Variants in AKT2 observed in about 807,000 individuals in gnomAD.
AKT2 encodes AKT serine/threonine kinase 2, also known as RAC-beta serine/threonine-protein kinase.
A neutral mutation model predicts 58.6 loss-of-function variants in AKT2; 16 were observed. The observed-to-expected ratio is 0.27, with a 90% CI of 0.18 to 0.41. AKT2 has a LOEUF of 0.41. AKT2 is among the 10% of genes least tolerant of loss of function. The pLI is 1.00. For synonymous variants in AKT2, 253 were observed against 254.0 expected, an observed-to-expected ratio of 1.00 and a Z score of 0.04; for missense variants, 438 against 661.0, an observed-to-expected ratio of 0.66 and a Z score of 3.70.
At chr19:40,273,408 GTA>G (rs1182013977) in intron 1 of AKT2, 1 of 149,082 alleles carries the variant, frequency 6.7e-6, no homozygotes, top group Non-Finnish European at 1.5e-5. Flanking sequence ...TTTCTATACT[GTA>G]TGTTTCTGAA....
rs931720546 is a variant in AKT2, at chr19:40,237,626, C to T, written c.831+343G>A. On this transcript the variant is annotated intron_variant, in intron 9 of 13. Transcript: ENST00000392038. The surrounding 1 kb of genome is among the most constrained non-coding windows in gnomAD (Gnocchi z 4.5). ...CACCACTGCACTCAACAGAGTAAGA[C>T]TCCTCAAAAATAAATAAATAAATAA... 3 of 302,120 alleles carry T rather than the reference C, an allele frequency of 9.9e-6. No individual in the cohort carries two copies. The highest frequency in any genetic ancestry group is 1.3e-5 in the Non-Finnish European group (2 of 153,548). The allele number at this position is 302,120 out of a possible 1,614,324, so 18.7% of individuals were successfully genotyped here.
At chr19:40,272,211 C>T (rs1274858893) in intron 1 of AKT2, among the ~76,000 whole-genome samples, 1 of 152,222 alleles carries the variant, frequency 6.6e-6, no homozygotes, top group Non-Finnish European at 1.5e-5. Flanking sequence ...GGCCTGGCTC[C>T]CCCACAACAC....
intron 4 of AKT2, chr19:40,243,159 G>C (rs1357553389): frequency 5.7e-6 from 1 of 174,564 alleles, no homozygotes; most frequent in Non-Finnish European, 1.3e-5. Flanking sequence ...AAAAAAAGTG[G>C]AATACCAAGA....
chr19:40,261,001 G>T (rs1282982261), intron 2 of AKT2, among the ~76,000 whole-genome samples: 1 of 152,206 alleles, frequency 6.6e-6, no homozygotes, highest in Non-Finnish European at 1.5e-5. Context: ...GTCACAAAAG[G>T]CCACATATGA....
At chr19:40,252,323 G>T (rs754039573) in intron 4 of AKT2, among the ~76,000 whole-genome samples, 82 of 152,132 alleles carry the variant, frequency 5.4e-4, no homozygotes, top group Non-Finnish European at 9.7e-4. Flanking sequence ...CGTTCCAGCA[G>T]TTTTCTCTTT....
Position 40,233,396 on chromosome 19 carries a change from G to T in AKT2, c.*476C>A, listed in dbSNP as rs993869339. The T allele has an allele frequency of 2.2e-6, 1 of 449,444 alleles. No homozygotes were observed. The highest frequency in any genetic ancestry group is 4.2e-6 in the Non-Finnish European group (1 of 237,358). 27.8% of individuals were successfully genotyped at this position (449,444 alleles called of 1,614,324 possible). ...GGGACAGCGGGTGGGGGATTGGACC[G>T]CCCCGTGCCTGGCCACTCCGAGCCT... On this transcript the variant is annotated 3_prime_UTR_variant, in exon 14 of 14. Coordinates refer to ENST00000392038, the MANE Select transcript of AKT2 (RefSeq NM_001626.6). The surrounding 1 kb of genome is among the most constrained non-coding windows in gnomAD (Gnocchi z 4.3).
chr19:40,240,794 T>C (rs868382295), intron 6 of AKT2: 29 of 145,508 alleles, frequency 2.0e-4, no homozygotes, highest in South Asian at 6.3e-4. Flanking sequence ...TTTTTTTCCC[T>C]TTTTTTTTTT....
chr19:40,282,259 C>A (rs78117055), intron 1 of AKT2: 3,326 of 328,860 alleles, frequency 0.01, 108 homozygotes, highest in African/African-American at 0.068. Flanking sequence ...TGGATTAATT[C>A]ATTTAATCCT....
At chr19:40,240,418 C>T (rs1008646346) in intron 6 of AKT2, 5 of 577,794 alleles carry the variant, frequency 8.7e-6, no homozygotes, top group African/African-American at 1.9e-5. Context: ...ACGAGAGCCC[C>T]GAGGTGCCAC....
At chr19:40,252,808 C>T (rs62107566) in intron 4 of AKT2, among the ~76,000 whole-genome samples, 1 of 152,218 alleles carries the variant, frequency 6.6e-6, no homozygotes, top group Non-Finnish European at 1.5e-5. Flanking sequence ...CAAATCCTAT[C>T]CAGTCTTCAA....
intron 2 of AKT2, among the ~76,000 whole-genome samples, chr19:40,261,490 G>A (rs991569758): frequency 1.0e-4 from 15 of 149,110 alleles, no homozygotes; most frequent in Non-Finnish European, 1.8e-4. Flanking sequence ...CCGAGATCGC[G>A]CCACGGCACT....
Position 40,250,942 on chromosome 19 carries a change from C to T in AKT2, c.287+4216G>A, listed in dbSNP as rs192257443. On this transcript the variant is annotated intron_variant, in intron 4 of 13. Coordinates refer to ENST00000392038, the MANE Select transcript of AKT2 (RefSeq NM_001626.6). The stretch of plus-strand genomic sequence containing the variant: ...AGAAAGCTGGGTGTGGTGGTTTGTG[C>T]CTATAATCCCAGCACTTTGGGAGGT... 3.3e-5 allele frequency among the ~76,000 whole-genome samples: 5 copies of T among 152,262 alleles called. No homozygotes were observed. The East Asian group carries it at 7.7e-4, about 23-fold the overall frequency.
In AKT2 at chr19:40,242,347, C is replaced by T; in HGVS notation, c.441+187G>A. On this transcript the variant is annotated intron_variant, in intron 5 of 13. Transcript: ENST00000392038. This position sits in a 1 kb window ranked among gnomAD's most constrained non-coding sequence, Gnocchi z 4.3. ...CCTGCAGTGGGTCCACCCAAGGTTG[C>T]TCCCTCCCCTACGGGCATGGAGCAC... 9.9e-7 allele frequency: 1 copy of T among 1,008,088 alleles called. No homozygotes were observed. The highest frequency in any genetic ancestry group is 1.5e-6 in the Non-Finnish European group (1 of 664,112). 62.4% of individuals were successfully genotyped at this position (1,008,088 alleles called of 1,614,324 possible). A position where few individuals can be genotyped will look rare whatever the true frequency, so the allele number is the denominator to read the frequency against.
chr19:40,245,810 C>T (rs1001073699), intron 4 of AKT2, among the ~76,000 whole-genome samples: 4 of 152,174 alleles, frequency 2.6e-5, no homozygotes, highest in Admixed American at 1.3e-4. Context: ...AGTTCTGCCC[C>T]CAGAACTCAT....
At chr19:40,253,154 G>A (rs1179920188) in intron 4 of AKT2, among the ~76,000 whole-genome samples, 2 of 151,988 alleles carry the variant, frequency 1.3e-5, no homozygotes, top group African/African-American at 2.4e-5. Context: ...ATGCTCAATC[G>A]GCACAAGCAG....
chr19:40,275,764 T>TGGGGGGGGGGGGG (rs1004974778), intron 1 of AKT2, among the ~76,000 whole-genome samples: 4 of 4,740 alleles, frequency 8.4e-4, no homozygotes, highest in African/African-American at 2.1e-3. Flanking sequence ...TTTGGGAGGC[T>TGGGGGGGGGGGGG]GGGGGGGGGG....
chr19:40,285,334 G>A lies in AKT2; in HGVS notation c.-238C>T, dbSNP rs1456514897. The A allele has an allele frequency of 1.0e-5, 4 of 392,950 alleles. No individual in the cohort carries two copies. The highest frequency in any genetic ancestry group is 7.2e-5 in the East Asian group (2 of 27,652). The allele number at this position is 392,950 out of a possible 1,614,324, so 24.3% of individuals were successfully genotyped here. On this transcript the variant is annotated 5_prime_UTR_variant, in exon 1 of 14. Coordinates refer to ENST00000392038, the MANE Select transcript of AKT2 (RefSeq NM_001626.6). ...ACGCCTCCTCCGAGGCAGGCCCAAC[G>A]GCTAGCACGGCGCGGCCCCCCCCGC...
At chr19:40,264,823 C>T (rs913839224) in intron 2 of AKT2, among the ~76,000 whole-genome samples, 7 of 152,170 alleles carry the variant, frequency 4.6e-5, no homozygotes, top group Non-Finnish European at 8.8e-5. Flanking sequence ...CCCACCCCCA[C>T]TGGAATGTAA....
intron 1 of AKT2, chr19:40,282,348 A>G: frequency 2.5e-6 from 1 of 392,516 alleles, no homozygotes; most frequent in Non-Finnish European, 5.1e-6. Context: ...CAGAGCTAGA[A>G]CCGACTTCAC....
Sources: allele counts gnomAD v4.1 joint callset (sites outside exome capture counted in the v4.1 genomes callset), GRCh38; gene constraint gnomAD v4.1.1; non-coding constraint Gnocchi (gnomAD v3.1); transcripts MANE v1.5; gene names NCBI Gene and HGNC (gene_info 2026-07-23, HGNC 2026-07-21).